The following FHOD3 variants were observed in gnomAD, a reference collection of about 807,000 sequenced individuals.
FHOD3 encodes FH1/FH2 domain-containing protein 3.
A neutral mutation model predicts 173.0 loss-of-function variants in FHOD3; 90 were observed. That is an observed-to-expected ratio of 0.52 (90% CI 0.44 to 0.62). The LOEUF is 0.62. Ranked by LOEUF, FHOD3 falls within the 20% of genes least tolerant of loss-of-function variation. The pLI is 0.00. For synonymous variants in FHOD3, 828 were observed against 823.0 expected, an observed-to-expected ratio of 1.01 and a Z score of -0.10; for missense variants, 1,945 against 2,034.7, an observed-to-expected ratio of 0.96 and a Z score of 0.85.
chr18:36,428,646 T>C (rs2050378808), intron 3 of FHOD3, among the ~76,000 whole-genome samples: 1 of 152,198 alleles, frequency 6.6e-6, no homozygotes, highest in Non-Finnish European at 1.5e-5. Flanking sequence ...TCATCCCTTC[T>C]TTTCCTAGGG....
At chr18:36,692,960 CCAGTATCTAGGGA>C (rs2149496906) in intron 16 of FHOD3, 1 of 546,658 alleles carries the variant, frequency 1.8e-6, no homozygotes, top group Admixed American at 3.1e-5. Flanking sequence ...CAGCAGTGAT[CCAGTATCTAGGGA>C]CTGTGTGATG....
chr18:36,521,807 G>A (rs1316789130), intron 5 of FHOD3, among the ~76,000 whole-genome samples: 2 of 152,134 alleles, frequency 1.3e-5, no homozygotes, highest in African/African-American at 2.4e-5. Context: ...CCTTCTGTGT[G>A]GGTAGAGCCC....
intron 3 of FHOD3, among the ~76,000 whole-genome samples, chr18:36,449,531 C>T (rs1358519248): frequency 6.6e-6 from 1 of 152,176 alleles, no homozygotes; most frequent in Non-Finnish European, 1.5e-5. Flanking sequence ...CTTTGGTCCC[C>T]ATATTAACTG....
At chr18:36,564,056 A>G (rs2058181201) in intron 5 of FHOD3, among the ~76,000 whole-genome samples, 2 of 152,052 alleles carry the variant, frequency 1.3e-5, no homozygotes, top group Admixed American at 1.3e-4. Context: ...TCCCGGGTTC[A>G]TTGGCCAAGC....
intron 3 of FHOD3, among the ~76,000 whole-genome samples, chr18:36,408,799 G>A (rs181317547): frequency 6.6e-6 from 1 of 152,290 alleles, no homozygotes; most frequent in African/African-American, 2.4e-5. Flanking sequence ...AGCCAAGCCT[G>A]GAGCATGTGG....
intron 1 of FHOD3, among the ~76,000 whole-genome samples, chr18:36,341,563 ATAG>A (rs761034131): frequency 6.6e-6 from 1 of 152,224 alleles, no homozygotes; most frequent in Non-Finnish European, 1.5e-5. Flanking sequence ...AGCAGAGCTA[ATAG>A]TAGTTTCATT....
chr18:36,324,103 A>G lies in FHOD3; in HGVS notation c.165+26103A>G, dbSNP rs188567644. On this transcript the variant is annotated intron_variant, in intron 1 of 28. Coordinates refer to ENST00000590592, the MANE Select transcript of FHOD3 (RefSeq NM_001281740.3). ...ACCAGTGGAACAGCATAGAGTCCCA[A>G]AGCATAGCCACACACATGCAATGGG... Among the ~76,000 whole-genome samples, 67 of 152,330 alleles carry G rather than the reference A, an allele frequency of 4.4e-4. No homozygotes were observed. The East Asian group carries it at 0.013, about 29-fold the overall frequency.
At chr18:36,448,273 A>G (rs927241769) in intron 3 of FHOD3, among the ~76,000 whole-genome samples, 1 of 152,192 alleles carries the variant, frequency 6.6e-6, no homozygotes. Flanking sequence ...TCCACTCTGT[A>G]TTTTCTGTGT....
chr18:36,738,180 C>T (rs879938805), intron 20 of FHOD3, among the ~76,000 whole-genome samples: 21 of 152,236 alleles, frequency 1.4e-4, no homozygotes, highest in Non-Finnish European at 2.1e-4. Flanking sequence ...CTTTTATTGC[C>T]GAGTGCTATT....
At chr18:36,664,811 A>AGAGAGAGATT (rs1434593563) in intron 14 of FHOD3, among the ~76,000 whole-genome samples, 46 of 148,908 alleles carry the variant, frequency 3.1e-4, no homozygotes, top group African/African-American at 1.0e-3. Context: ...AGAGAGAGAG[A>AGAGAGAGATT]GAGATTGAGA....
At chr18:36,577,464 C>A (rs1014100676) in intron 6 of FHOD3, among the ~76,000 whole-genome samples, 33 of 152,214 alleles carry the variant, frequency 2.2e-4, no homozygotes, top group African/African-American at 7.7e-4. Flanking sequence ...CCACCCTGGG[C>A]TAATTTTTGT....
intron 5 of FHOD3, among the ~76,000 whole-genome samples, chr18:36,532,357 C>G (rs1298661659): frequency 5.9e-5 from 9 of 152,154 alleles, no homozygotes; most frequent in Admixed American, 2.6e-4. Context: ...TGGCCACTTC[C>G]CTCAAGTCTC....
At chr18:36,531,315 C>T (rs979084918) in intron 5 of FHOD3, among the ~76,000 whole-genome samples, 7 of 152,160 alleles carry the variant, frequency 4.6e-5, no homozygotes, top group African/African-American at 1.7e-4. Flanking sequence ...TGCAACCCAC[C>T]CCTGCTCCCT....
At chr18:36,308,293 A>G (rs764544469) in intron 1 of FHOD3, among the ~76,000 whole-genome samples, 1 of 152,216 alleles carries the variant, frequency 6.6e-6, no homozygotes, top group Non-Finnish European at 1.5e-5. Flanking sequence ...TAAAGATTTC[A>G]TCTTGGATAG....
intron 3 of FHOD3, among the ~76,000 whole-genome samples, chr18:36,404,204 T>C (rs2048954384): frequency 6.6e-6 from 1 of 152,210 alleles, no homozygotes; most frequent in Non-Finnish European, 1.5e-5. Context: ...TCTCTCAGTC[T>C]ACAAGCTTTT....
Position 36,501,921 on chromosome 18 carries a change from C to A in FHOD3, c.338-11C>A. On this transcript the variant is annotated splice_polypyrimidine_tract_variant and intron_variant, in intron 3 of 28. Coordinates refer to ENST00000590592, the MANE Select transcript of FHOD3 (RefSeq NM_001281740.3). ...GTTTAATTAATTTATATGTTTTATTCTTTATTTCAGAAAAACTATACAACT... is the reference window on the plus strand; with the variant it reads ...GTTTAATTAATTTATATGTTTTATTATTTATTTCAGAAAAACTATACAACT... The A allele has an allele frequency of 1.9e-6, 3 of 1,573,476 alleles. No individual in the cohort carries two copies. The highest frequency in any genetic ancestry group is 2.6e-6 in the Non-Finnish European group (3 of 1,152,964).
intron 14 of FHOD3, among the ~76,000 whole-genome samples, chr18:36,674,142 A>G (rs533574259): frequency 3.3e-4 from 50 of 152,272 alleles, no homozygotes; most frequent in African/African-American, 1.1e-3. Context: ...GGAACTTTCT[A>G]TTGCTTCTGT....
chr18:36,473,749 C>T (rs1356631575), intron 3 of FHOD3, among the ~76,000 whole-genome samples: 1 of 152,242 alleles, frequency 6.6e-6, no homozygotes, highest in Admixed American at 6.5e-5. Flanking sequence ...GATATTTTCA[C>T]ATCATCTTTC....
At chr18:36,655,083 A>G (rs929422388) in intron 13 of FHOD3, among the ~76,000 whole-genome samples, 5 of 136,588 alleles carry the variant, frequency 3.7e-5, no homozygotes, top group African/African-American at 1.4e-4. Flanking sequence ...TACCCCAATC[A>G]TACTATCCCA....
Sources: allele counts gnomAD v4.1 joint callset (sites outside exome capture counted in the v4.1 genomes callset), GRCh38; gene constraint gnomAD v4.1.1; transcripts MANE v1.5; gene names NCBI Gene and HGNC (gene_info 2026-07-23, HGNC 2026-07-21).